Variants in ZDHHC14 observed in about 807,000 individuals in gnomAD.
ZDHHC14 encodes zDHHC palmitoyltransferase 14.
Under a neutral mutation model 47.7 loss-of-function variants are expected in ZDHHC14, and 16 were observed. That is an observed-to-expected ratio of 0.34 (90% CI 0.23 to 0.51). The LOEUF (loss-of-function observed/expected upper bound fraction) is 0.51. Among genes scored for constraint, ZDHHC14 ranks in the 20% least tolerant of loss-of-function variants. The pLI, the probability that ZDHHC14 is intolerant of heterozygous loss-of-function variation, is 0.97. For synonymous variants in ZDHHC14, 293 were observed against 278.9 expected (o/e 1.05, Z -0.50); for missense variants, 515 against 662.5 (o/e 0.78, Z 2.44).
intron 2 of ZDHHC14, among the ~76,000 whole-genome samples, chr6:157,572,826 C>T (rs1206649156): frequency 5.9e-5 from 9 of 151,984 alleles, no homozygotes; most frequent in South Asian, 2.1e-4. Flanking sequence ...ACTCATTCTT[C>T]GAGGCCACCT....
At chr6:157,591,151 G>A (rs1318827073) in intron 2 of ZDHHC14, among the ~76,000 whole-genome samples, 1 of 152,186 alleles carries the variant, frequency 6.6e-6, no homozygotes, top group Non-Finnish European at 1.5e-5. Context: ...AACTTGCCTT[G>A]TCTTTGGACT....
intron 2 of ZDHHC14, among the ~76,000 whole-genome samples, chr6:157,584,737 G>A (rs1183370212): frequency 6.6e-6 from 1 of 152,122 alleles, no homozygotes; most frequent in Non-Finnish European, 1.5e-5. Context: ...TTCATCCCCA[G>A]CTCCCCTAAT....
intron 3 of ZDHHC14, among the ~76,000 whole-genome samples, chr6:157,609,180 A>T (rs1429345003): frequency 6.6e-6 from 1 of 152,224 alleles, no homozygotes; most frequent in Non-Finnish European, 1.5e-5. Context: ...GATCTGTGGC[A>T]GCCTAAAATA....
At chr6:157,495,957 G>T (rs564327583) in intron 1 of ZDHHC14, among the ~76,000 whole-genome samples, 1 of 151,914 alleles carries the variant, frequency 6.6e-6, no homozygotes, top group African/African-American at 2.4e-5. Flanking sequence ...CGGCTGCCTC[G>T]GCCTTCCAAA....
intron 2 of ZDHHC14, among the ~76,000 whole-genome samples, chr6:157,561,398 C>CTT: frequency 6.6e-6 from 1 of 151,970 alleles, no homozygotes; most frequent in African/African-American, 2.4e-5. Context: ...TACCTGCTTG[C>CTT]TTTTTTTCTT....
chr6:157,654,329 G>T (rs1777985533), intron 8 of ZDHHC14, among the ~76,000 whole-genome samples: 1 of 152,142 alleles, frequency 6.6e-6, no homozygotes, highest in Non-Finnish European at 1.5e-5. Context: ...GACCATCAGT[G>T]TCTTAAGATT....
At chr6:157,477,101 G>T (rs111581058) in intron 1 of ZDHHC14, among the ~76,000 whole-genome samples, 2 of 152,154 alleles carry the variant, frequency 1.3e-5, no homozygotes, top group Non-Finnish European at 2.9e-5. Context: ...GGAAAATAAG[G>T]CTGGGCGCAG....
Position 157,454,498 on chromosome 6 carries a change from C to CT in ZDHHC14, c.245+72250dup, listed in dbSNP as rs5881212. 3.4e-3 allele frequency among the ~76,000 whole-genome samples: 432 copies of CT among 127,692 alleles called. 1 individual carries two copies. Among genetic ancestry groups the CT allele is most frequent in the South Asian group, 8.3e-3 (34 of 4,112 alleles). 83.8% of individuals were successfully genotyped at this position (127,692 alleles called of 152,430 possible). ...TAAAATGCTTTTAATGCAGCTTCTT[C>CT]TTTTTTTTTTTTTTTTTTGCCACGA... On this transcript the variant is annotated intron_variant, in intron 1 of 8. Transcript: ENST00000359775.
At chr6:157,462,170 C>T (rs964321501) in intron 1 of ZDHHC14, among the ~76,000 whole-genome samples, 1 of 152,172 alleles carries the variant, frequency 6.6e-6, no homozygotes, top group African/African-American at 2.4e-5. Context: ...AATTTTCCAC[C>T]ATCGTGTAAA....
At chr6:157,540,716 A>G (rs1217663449) in intron 1 of ZDHHC14, among the ~76,000 whole-genome samples, 2 of 152,114 alleles carry the variant, frequency 1.3e-5, no homozygotes, top group South Asian at 4.1e-4. Context: ...GCCATTGTTC[A>G]AACTATGTCG....
chr6:157,557,320 T>G (rs1198099614), intron 2 of ZDHHC14, among the ~76,000 whole-genome samples: 1 of 152,158 alleles, frequency 6.6e-6, no homozygotes, highest in Non-Finnish European at 1.5e-5. Context: ...GCAGAGGACC[T>G]GTGCCAGGCT....
rs137931838 is a variant in ZDHHC14, at chr6:157,448,868, G to A, written c.245+66602G>A. Among the ~76,000 whole-genome samples the A allele has an allele frequency of 5.4e-3, 815 of 152,316 alleles. 3 individuals are homozygous for A. The highest frequency in any genetic ancestry group is 8.2e-3 in the Non-Finnish European group (560 of 68,030). ...TGGGATTATAGGCGTGAGCCACTGC[G>A]CCTGGCCAGTGCTTTCATTTTTATT... On this transcript the variant is annotated intron_variant, in intron 1 of 8. Coordinates refer to ENST00000359775, the MANE Select transcript of ZDHHC14 (RefSeq NM_024630.3).
chr6:157,489,325 T>C (rs1265831434), intron 1 of ZDHHC14, among the ~76,000 whole-genome samples: 2 of 152,216 alleles, frequency 1.3e-5, no homozygotes, highest in Non-Finnish European at 2.9e-5. Flanking sequence ...TCGTAAACGT[T>C]GTAGTAGCAT....
chr6:157,447,482 G>A (rs1038655091), intron 1 of ZDHHC14, among the ~76,000 whole-genome samples: 1 of 152,230 alleles, frequency 6.6e-6, no homozygotes, highest in Non-Finnish European at 1.5e-5. Flanking sequence ...AGGCACCCCC[G>A]GGACTGAGGG....
At position 157,492,215 on chromosome 6, in the gene ZDHHC14, C is replaced by A. The variant is rs145867168; in HGVS notation, c.246-50370C>A. 4.9e-3 allele frequency among the ~76,000 whole-genome samples: 734 copies of A among 148,424 alleles called. 11 individuals carry two copies. Among genetic ancestry groups the A allele is most frequent in the African/African-American group, 0.017 (693 of 40,564 alleles). On this transcript the variant is annotated intron_variant, in intron 1 of 8. Coordinates refer to ENST00000359775, the MANE Select transcript of ZDHHC14 (RefSeq NM_024630.3). ...TCCCCCCTCCGCCCCCGCCCCCCAGCCACTGTAGTCTCCCTGTGCACTCTG... is the reference window on the plus strand; with the variant it reads ...TCCCCCCTCCGCCCCCGCCCCCCAGACACTGTAGTCTCCCTGTGCACTCTG...
rs1778954213 is a variant in ZDHHC14, at chr6:157,675,396, A to G, written c.*2274A>G. 6.6e-6 allele frequency: 1 copy of G among 152,188 alleles called. No homozygotes were observed. The highest frequency in any genetic ancestry group is 6.5e-5 in the Admixed American group (1 of 15,284). 9.4% of individuals were successfully genotyped at this position (152,188 alleles called of 1,614,324 possible). A position where few individuals can be genotyped will look rare whatever the true frequency, so the allele number is the denominator to read the frequency against. ...TTCACATAATGGATATTTACTTAAT[A>G]TTTATTATCAATTTCCCCACCTCCA... On this transcript the variant is annotated 3_prime_UTR_variant, in exon 9 of 9. Transcript: ENST00000359775.
intron 8 of ZDHHC14, among the ~76,000 whole-genome samples, chr6:157,656,713 A>C (rs1343365258): frequency 1.1e-5 from 1 of 91,534 alleles, no homozygotes; most frequent in African/African-American, 5.4e-5. Context: ...TACCAAAAAA[A>C]AAAAACAAAA....
intron 1 of ZDHHC14, among the ~76,000 whole-genome samples, chr6:157,409,163 A>G (rs748404683): frequency 5.9e-5 from 9 of 152,196 alleles, no homozygotes; most frequent in Non-Finnish European, 1.2e-4. Context: ...GTGCCTCTCA[A>G]AATCTTCTGT....
intron 1 of ZDHHC14, among the ~76,000 whole-genome samples, chr6:157,424,822 T>C (rs1300100367): frequency 6.6e-6 from 1 of 152,094 alleles, no homozygotes; most frequent in Non-Finnish European, 1.5e-5. Context: ...ATCTCTCAAA[T>C]GTGCCCTTCA....
Sources: allele counts gnomAD v4.1 joint callset (sites outside exome capture counted in the v4.1 genomes callset), GRCh38; gene constraint gnomAD v4.1.1; transcripts MANE v1.5; gene names NCBI Gene and HGNC (gene_info 2026-07-23, HGNC 2026-07-21).